UMODL1: variants seen among roughly 807,000 people sequenced by gnomAD.
UMODL1 encodes uromodulin-like 1.
Under a neutral mutation model 136.3 loss-of-function variants are expected in UMODL1, and 128 were observed. The observed-to-expected ratio is 0.94, with a 90% CI of 0.81 to 1.09. UMODL1 has a LOEUF of 1.09. UMODL1 is among the 50% of genes least tolerant of loss of function. The probability of loss-of-function intolerance (pLI) is 0.00; values close to 1 mark genes in which losing one functional copy is unlikely to be tolerated. For missense variants in UMODL1, 1,766 were observed against 1,725.6 expected, an observed-to-expected ratio of 1.02 and a Z score of -0.41; for synonymous variants, 721 against 720.0, an observed-to-expected ratio of 1.00 and a Z score of -0.02.
intron 1 of UMODL1, among the ~76,000 whole-genome samples, chr21:42,065,450 G>T (rs992387377): frequency 1.3e-5 from 2 of 152,196 alleles, no homozygotes; most frequent in African/African-American, 2.4e-5. Context: ...GCTGGTGCAG[G>T]TGTGGATCGA....
chr21:42,093,646 C>G (rs1043434369), intron 6 of UMODL1: 4 of 272,032 alleles, frequency 1.5e-5, no homozygotes, highest in South Asian at 1.4e-4. Flanking sequence ...CAGGAACGTT[C>G]CCCTCCTATC....
In UMODL1 at chr21:42,088,343, C is replaced by T. The variant is rs1169601601; in HGVS notation, c.653C>T (p.Ser218Leu). 1.2e-6 allele frequency: 2 copies of T among 1,613,826 alleles called. No homozygotes were observed. The highest frequency in any genetic ancestry group is 1.3e-5 in the African/African-American group (1 of 74,926). ...PMASTVHHLH[S>L]APGNASTTVS... Reference sequence around the variant, plus strand: ...GCCTCCACCGTCCACCACCTGCACTCAGCCCCTGGGAACGCCTCCACCACA... The same window carrying T: ...GCCTCCACCGTCCACCACCTGCACTTAGCCCCTGGGAACGCCTCCACCACA... The change falls in exon 5 of 23, where the codon TCA becomes TTA. Residue 218 changes from serine to leucine, a missense_variant. Coordinates refer to ENST00000408910, the MANE Select transcript of UMODL1 (RefSeq NM_001004416.3).
In UMODL1 at chr21:42,090,728, T is replaced by G. The variant is rs8128849; in HGVS notation, c.931+290T>G. Reference sequence around the variant, plus strand: ...TCCTAGAAAACAGCAGTCCCACGTGTGTTGTTAACATTGTTCTCGAACAAG... The same window carrying G: ...TCCTAGAAAACAGCAGTCCCACGTGGGTTGTTAACATTGTTCTCGAACAAG... On this transcript the variant is annotated intron_variant, in intron 6 of 22. Transcript: ENST00000408910. Among the ~76,000 whole-genome samples the G allele has an allele frequency of 9.1e-3, 1,392 of 152,330 alleles. 30 individuals are homozygous for G. Among genetic ancestry groups the G allele is most frequent in the African/African-American group, 0.032 (1,321 of 41,568 alleles).
In UMODL1 at chr21:42,129,587, C is replaced by T. The variant is rs548854076; in HGVS notation, c.3691-126C>T. On this transcript the variant is annotated intron_variant, in intron 20 of 22. Transcript: ENST00000408910. Reference sequence around the variant, plus strand: ...CCACTCCTCTGTCTAAACTCAGCCCCCTTGCCTTGCAACTTCTAGCAGGAT... The same window carrying T: ...CCACTCCTCTGTCTAAACTCAGCCCTCTTGCCTTGCAACTTCTAGCAGGAT... The T allele has an allele frequency of 1.3e-4, 107 of 835,448 alleles. No individual in the cohort carries two copies. In the African/African-American group the frequency reaches 1.7e-3, roughly 13 times the overall value. The allele number at this position is 835,448 out of a possible 1,614,324, so 51.8% of individuals were successfully genotyped here.
In UMODL1 at chr21:42,109,686, C is replaced by T. The variant is rs891031753; in HGVS notation, c.1644C>T (p.Gly548=). ...GGGACGCCACCCCCTCCCGCGCAGG[C>T]CGGGCCTGTGAGGGTACGTGTCGAC... ...TTRDATPSRA[G]RACEGDLVSP... Residue 548 remains glycine (G), a synonymous_variant, in exon 10 of 23, where the codon GGC becomes GGT. Transcript: ENST00000408910. The T allele has an allele frequency of 1.4e-5, 23 of 1,603,698 alleles. No homozygotes were observed. Among genetic ancestry groups the T allele is most frequent in the East Asian group, 2.2e-5 (1 of 44,892 alleles).
In UMODL1 at chr21:42,119,181, G is replaced by A; in HGVS notation, c.2546G>A (p.Ser849Asn). The A allele has an allele frequency of 6.2e-7, 1 of 1,614,172 alleles. No individual in the cohort carries two copies. The highest frequency in any genetic ancestry group is 1.1e-5 in the South Asian group (1 of 91,078). ...GGTGGGGTCAGGATGGAAGTCGTCA[G>A]CGTCACCAACGGCAGCATCGTGGTG... ...DAGGVRMEVVSVTNGSIVVEF... is the reference protein window; with the variant it reads ...DAGGVRMEVVNVTNGSIVVEF... Residue 849 changes from serine to asparagine, a missense_variant, in exon 15 of 23, where the codon AGC becomes AAC. By Grantham distance (46) the Ser-to-Asn change is conservative. Coordinates refer to ENST00000408910, the MANE Select transcript of UMODL1 (RefSeq NM_001004416.3).
intron 4 of UMODL1, chr21:42,086,726 G>A: frequency 2.3e-6 from 1 of 434,760 alleles, no homozygotes; most frequent in Non-Finnish European, 4.7e-6. Flanking sequence ...AGCACTTTGG[G>A]AGGCCGAGGC....
chr21:42,092,658 T>C (rs1363312140), intron 6 of UMODL1, among the ~76,000 whole-genome samples: 2 of 152,244 alleles, frequency 1.3e-5, no homozygotes, highest in Non-Finnish European at 2.9e-5. Flanking sequence ...CAATTTGAAT[T>C]CGTTAATCAT....
At position 42,122,940 on chromosome 21, in the gene UMODL1, G is replaced by A. The variant is rs376113213; in HGVS notation, c.2937G>A (p.Leu979=). The A allele has an allele frequency of 1.1e-4, 172 of 1,613,846 alleles. No homozygotes were observed. Among genetic ancestry groups the A allele is most frequent in the Non-Finnish European group, 1.4e-4 (163 of 1,180,046 alleles). Residue 979 remains leucine (L), a synonymous_variant, in exon 17 of 23, where the codon CTG becomes CTA. Coordinates refer to ENST00000408910, the MANE Select transcript of UMODL1 (RefSeq NM_001004416.3). This position sits in a 1 kb window ranked among gnomAD's most constrained non-coding sequence, Gnocchi z 4.3. ...VQGTSPTPQG[L]PQRLNLTGAV... is the part of the protein sequence containing the mutation. ...GCACCAGCCCCACCCCCCAAGGCCT[G>A]CCCCAGCGGCTGAACCTGACCGGAG...
At chr21:42,125,719 G>A (rs2067043472) in intron 17 of UMODL1, among the ~76,000 whole-genome samples, 1 of 152,156 alleles carries the variant, frequency 6.6e-6, no homozygotes, top group African/African-American at 2.4e-5. Flanking sequence ...GGGGTGAGAG[G>A]TGCATGTGGG....
chr21:42,112,923 C>G (rs183568919), intron 12 of UMODL1: 1 of 152,884 alleles, frequency 6.5e-6, no homozygotes, highest in South Asian at 2.1e-4. Context: ...TAGCCATCAC[C>G]AAACCCCCAG....
upstream of UMODL1, chr21:42,062,954 G>C (rs1464252054): frequency 6.6e-6 from 1 of 152,274 alleles, no homozygotes; most frequent in East Asian, 1.9e-4. Context: ...TCGAGGGGCT[G>C]ACAGCGCTGG....
intron 1 of UMODL1, among the ~76,000 whole-genome samples, chr21:42,072,476 T>C (rs220277): frequency 6.6e-6 from 1 of 151,964 alleles, no homozygotes; most frequent in African/African-American, 2.4e-5. Context: ...ACAGTTCAGA[T>C]GCATAATGGG....
intron 15 of UMODL1, among the ~76,000 whole-genome samples, chr21:42,119,694 C>T (rs367784348): frequency 4.6e-5 from 7 of 152,232 alleles, no homozygotes; most frequent in South Asian, 2.1e-4. Context: ...AGATAATTAA[C>T]GAGAAAAGCA....
chr21:42,078,838 C>A (rs947268252), intron 2 of UMODL1, among the ~76,000 whole-genome samples: 2 of 152,266 alleles, frequency 1.3e-5, no homozygotes, highest in African/African-American at 4.8e-5. Flanking sequence ...CTTGGCCATG[C>A]TGCTCAGGTG....
intron 9 of UMODL1, among the ~76,000 whole-genome samples, chr21:42,104,535 C>G (rs1041759520): frequency 6.6e-5 from 10 of 151,948 alleles, no homozygotes; most frequent in African/African-American, 2.4e-4. Context: ...CTGCAACCTC[C>G]GCCTCCTAGG....
intron 9 of UMODL1, among the ~76,000 whole-genome samples, chr21:42,107,593 C>T (rs999146932): frequency 9.9e-5 from 15 of 152,178 alleles, no homozygotes; most frequent in African/African-American, 2.4e-4. Flanking sequence ...CGTCCATTTG[C>T]GGTGGCATTA....
At chr21:42,076,336 G>A (rs957994987) in intron 2 of UMODL1, 89 bp downstream of exon 2, 13 of 1,566,628 alleles carry the variant, frequency 8.3e-6, no homozygotes, top group Admixed American at 1.7e-5. Context: ...CATTGGCCCC[G>A]AACTTGCTAG....
At chr21:42,073,021 T>TGC (rs1374273636) in intron 1 of UMODL1, among the ~76,000 whole-genome samples, 38 of 151,136 alleles carry the variant, frequency 2.5e-4, no homozygotes, top group African/African-American at 7.3e-4. Context: ...TGTGTGTGTG[T>TGC]GCGCGCGCGC....
Sources: gnomAD v4.1 joint callset for allele counts (sites outside exome capture counted in the v4.1 genomes callset) on GRCh38, gnomAD v4.1.1 for gene constraint, Gnocchi (gnomAD v3.1) non-coding constraint, MANE v1.5 for transcripts, NCBI Gene and HGNC (gene_info 2026-07-23, HGNC 2026-07-21) for gene names.